ITGB2: variants seen among roughly 807,000 people sequenced by gnomAD.
ITGB2 encodes integrin beta-2.
A neutral mutation model predicts 86.8 loss-of-function variants in ITGB2; 56 were observed. The ratio of observed to expected loss-of-function variants is 0.65; its 90% CI spans 0.52 to 0.81. The LOEUF (loss-of-function observed/expected upper bound fraction) is 0.81, where lower values mean the gene tolerates loss of function less well. ITGB2 is among the 30% of genes least tolerant of loss of function. ITGB2 has a pLI of 0.00. For synonymous variants in ITGB2, 457 were observed against 450.4 expected (o/e 1.01, Z -0.19); for missense variants, 948 against 1,061.2 (o/e 0.89, Z 1.48).
At chr21:44,886,690 G>A (rs773315057) in intron 15 of ITGB2, 46 bp downstream of exon 15, 1 of 1,611,674 alleles carries the variant, frequency 6.2e-7, no homozygotes, top group Non-Finnish European at 8.5e-7. Flanking sequence ...CATAGTGTGG[G>A]ACGCACGTGC....
intron 8 of ITGB2, among the ~76,000 whole-genome samples, chr21:44,896,623 T>A (rs891207665): frequency 3.3e-5 from 5 of 152,096 alleles, no homozygotes; most frequent in Admixed American, 6.5e-5. Flanking sequence ...ACCGCCCACT[T>A]CCATCCGTCC....
At chr21:44,893,681 C>G (rs2083823447) in intron 9 of ITGB2, 137 bp from the exon 10 acceptor site, 1 of 1,186,906 alleles carries the variant, frequency 8.4e-7, no homozygotes, top group Non-Finnish European at 1.2e-6. Context: ...CAGAGGAGAG[C>G]ACAGCAGGAT....
At chr21:44,914,157 G>A (rs1453114885) in intron 1 of ITGB2, 2 of 152,596 alleles carry the variant, frequency 1.3e-5, no homozygotes, top group Non-Finnish European at 2.9e-5. Context: ...CTCCAGCTCT[G>A]GACATCCCCC....
At chr21:44,891,357 C>G (rs75646011) in intron 11 of ITGB2, among the ~76,000 whole-genome samples, 61 of 152,318 alleles carry the variant, frequency 4.0e-4, no homozygotes, top group Middle Eastern at 3.4e-3. Flanking sequence ...CCACCCATGC[C>G]CCAGGGCTGC....
At chr21:44,926,517 C>T (rs1240250960) in intron 1 of ITGB2, among the ~76,000 whole-genome samples, 1 of 152,222 alleles carries the variant, frequency 6.6e-6, no homozygotes, top group Non-Finnish European at 1.5e-5. Flanking sequence ...CGTGGGGCCA[C>T]GCCGGGCTGC....
Position 44,890,081 on chromosome 21 carries a change from C to G in ITGB2, c.1554G>C (p.Leu518=). The change falls in exon 12 of 16, where the codon CTG becomes CTC. Residue 518 remains leucine (L), a synonymous_variant. Transcript: ENST00000652462. ...GLGDCVCGQC[L]CHTSDVPGKL... is the part of the protein sequence containing the mutation. ...TGCCGGGGACGTCGCTGGTGTGGCA[C>G]AGGCACTGCCCGCAGACACAGTCCC... is the stretch of plus-strand genomic sequence containing the variant. 1 of 1,613,512 alleles carries G rather than the reference C, an allele frequency of 6.2e-7. No homozygotes were observed. The highest frequency in any genetic ancestry group is 2.2e-5 in the East Asian group (1 of 44,868).
rs545524615 is a variant in ITGB2 at position 44,888,814 on chromosome 21, C to T, written c.1959G>A (p.Ser653=). Residue 653 remains serine (S), a synonymous_variant, in exon 14 of 16, where the codon TCG becomes TCA. Coordinates refer to ENST00000652462, the MANE Select transcript of ITGB2 (RefSeq NM_000211.5). ...CSAACPGLQL[S]NNPVKGRTCK... ...AGGTCCTGCCCTTCACGGGGTTGTT[C>T]GACAGCTGCAGGCCCGGACACGCCG... 5.0e-5 allele frequency: 80 copies of T among 1,611,646 alleles called. No homozygotes were observed. Among genetic ancestry groups the T allele is most frequent in the South Asian group, 3.6e-4 (33 of 91,092 alleles).
intron 1 of ITGB2, among the ~76,000 whole-genome samples, chr21:44,915,986 G>C (rs529804007): frequency 4.8e-4 from 73 of 152,264 alleles, no homozygotes; most frequent in African/African-American, 1.8e-3. Flanking sequence ...GCAATGGCTA[G>C]ATCTCGGCTC....
intron 1 of ITGB2, among the ~76,000 whole-genome samples, chr21:44,919,520 A>G (rs2017725): frequency 0.56 from 84,980 of 152,086 alleles, 26,173 homozygotes; most frequent in African/African-American, 0.84. Context: ...TCATGGTGAA[A>G]CGCTGGGGTG....
At chr21:44,891,105 C>T (rs1396251200) in intron 11 of ITGB2, among the ~76,000 whole-genome samples, 5 of 152,208 alleles carry the variant, frequency 3.3e-5, no homozygotes, top group African/African-American at 1.2e-4. Flanking sequence ...GCAAAGGGGG[C>T]AGAGTCCTGG....
chr21:44,886,126 C>T lies in ITGB2; in HGVS notation c.*242G>A. 1 of 582,874 alleles carries T rather than the reference C, an allele frequency of 1.7e-6. No individual in the cohort carries two copies. The highest frequency in any genetic ancestry group is 3.1e-6 in the Non-Finnish European group (1 of 324,758). 36.1% of individuals were successfully genotyped at this position (582,874 alleles called of 1,614,324 possible). The stretch of plus-strand genomic sequence containing the variant: ...TGCACAGGAAACACGCACCTAACCT[C>T]ACCAACCTCAAGCCCTCCCTCCTCA... On this transcript the variant is annotated 3_prime_UTR_variant, in exon 16 of 16. Transcript: ENST00000652462.
At chr21:44,923,843 A>T (rs1193152213), upstream of ITGB2, among the ~76,000 whole-genome samples, 1 of 152,240 alleles carries the variant, frequency 6.6e-6, no homozygotes, top group Non-Finnish European at 1.5e-5. Context: ...CTATCAGATA[A>T]ACTGTTAAAA....
chr21:44,894,973 T>G lies in ITGB2; in HGVS notation c.1081A>C (p.Asn361His), dbSNP rs2083842316. ...NVVHLIKNAYNKLSSRVFLDH... is the reference protein window; with the variant it reads ...NVVHLIKNAYHKLSSRVFLDH... Reference sequence around the variant, plus strand: ...GCTGAGTGGTGCGGGAGACTCACATTGTAAGCATTCTTAATGAGATGGACC... The same window carrying G: ...GCTGAGTGGTGCGGGAGACTCACATGGTAAGCATTCTTAATGAGATGGACC... The change falls in exon 9 of 16, where the codon AAT (asparagine) becomes CAT (histidine). Residue 361 changes from asparagine (N) to histidine (H), a missense_variant and splice_region_variant. Asn to His is a moderately conservative substitution (Grantham distance 68). Transcript: ENST00000652462. The G allele has an allele frequency of 2.5e-6, 4 of 1,601,614 alleles. No homozygotes were observed. Among genetic ancestry groups the G allele is most frequent in the Non-Finnish European group, 2.6e-6 (3 of 1,168,932 alleles).
intron 3 of ITGB2, among the ~76,000 whole-genome samples, chr21:44,907,401 G>A (rs535530299): frequency 3.9e-5 from 6 of 152,360 alleles, no homozygotes; most frequent in Non-Finnish European, 8.8e-5. Context: ...AGGCCTCAGC[G>A]TCCTCTAGCA....
At chr21:44,889,173 G>T (rs920157444) in intron 13 of ITGB2, 103 bp downstream of exon 13, 1 of 1,131,270 alleles carries the variant, frequency 8.8e-7, no homozygotes, top group Admixed American at 1.8e-5. Flanking sequence ...AGAACCCCGC[G>T]GTGCAGAGGT....
At chr21:44,896,033 C>T (rs145568167) in intron 8 of ITGB2, among the ~76,000 whole-genome samples, 137 of 151,736 alleles carry the variant, frequency 9.0e-4, no homozygotes, top group Non-Finnish European at 1.6e-3. Flanking sequence ...ATCCCGCCTG[C>T]GGTGTGAGTG....
chr21:44,918,641 C>T (rs1441033628), intron 1 of ITGB2, among the ~76,000 whole-genome samples: 1 of 152,232 alleles, frequency 6.6e-6, no homozygotes, highest in East Asian at 1.9e-4. Flanking sequence ...GCAGAACTTC[C>T]TTCATGGGCA....
At chr21:44,890,475 C>T (rs1303082344) in intron 11 of ITGB2, among the ~76,000 whole-genome samples, 1 of 152,218 alleles carries the variant, frequency 6.6e-6, no homozygotes, top group Admixed American at 6.5e-5. Flanking sequence ...AGTGGCTCGG[C>T]AGGCTCACTG....
chr21:44,903,640 GC>G, intron 4 of ITGB2, 105 bp from the exon 5 acceptor site: 1 of 1,368,262 alleles, frequency 7.3e-7, no homozygotes. Flanking sequence ...CTCTCCTCCA[GC>G]CCCCAAATCC....
Sources: gnomAD v4.1 joint callset for allele counts (sites outside exome capture counted in the v4.1 genomes callset) on GRCh38, gnomAD v4.1.1 for gene constraint, MANE v1.5 for transcripts, NCBI Gene and HGNC (gene_info 2026-07-23, HGNC 2026-07-21) for gene names.